The following SBNO1 variants were observed in gnomAD, a reference collection of about 807,000 sequenced individuals.
SBNO1 encodes the protein strawberry notch homolog 1.
Under a neutral mutation model 173.6 loss-of-function variants are expected in SBNO1, and 23 were observed. The ratio of observed to expected loss-of-function variants is 0.13; its 90% CI spans 0.10 to 0.19. SBNO1 has a LOEUF of 0.19. SBNO1 is among the 10% of genes least tolerant of loss of function. The pLI is 1.00. For missense variants in SBNO1, 1,238 were observed against 1,671.2 expected (o/e 0.74, Z 4.52); for synonymous variants, 632 against 571.5 (o/e 1.11, Z -1.51).
intron 30 of SBNO1, among the ~76,000 whole-genome samples, chr12:123,299,822 A>C (rs2048727478): frequency 6.6e-6 from 1 of 152,080 alleles, no homozygotes; most frequent in African/African-American, 2.4e-5. Context: ...CATTGCACTC[A>C]AGCCCTCTGT....
chr12:123,343,429 C>T (rs1593397369), intron 4 of SBNO1, among the ~76,000 whole-genome samples: 2 of 152,150 alleles, frequency 1.3e-5, no homozygotes, highest in African/African-American at 4.8e-5. Flanking sequence ...GAACATGCAA[C>T]ACCTTGCTTT....
intron 1 of SBNO1, 53 bp downstream of exon 1, chr12:123,364,648 G>A (rs1038694689): frequency 5.1e-6 from 5 of 982,972 alleles, no homozygotes; most frequent in Non-Finnish European, 6.0e-6. Flanking sequence ...GGAGTGGGAG[G>A]CTGTCCGGGA....
At chr12:123,357,400 G>C (rs996488966) in intron 1 of SBNO1, among the ~76,000 whole-genome samples, 1 of 151,584 alleles carries the variant, frequency 6.6e-6, no homozygotes, top group Non-Finnish European at 1.5e-5. Flanking sequence ...AGTGAGCCGA[G>C]ACTGCACCAC....
rs549795225 is a variant in SBNO1, at chr12:123,297,710, C to T, written c.4039+268G>A. Among the ~76,000 whole-genome samples, 3 of 152,240 alleles carry T rather than the reference C, an allele frequency of 2.0e-5. No individual in the cohort carries two copies. The South Asian group carries it at 6.2e-4, about 32-fold the overall frequency. ...AACTGTCTACACACCAGGGAGCCTG[C>T]ACAGCCACCAAGAGTAGAGAAGGAG... On this transcript the variant is annotated intron_variant, in intron 31 of 31. Transcript: ENST00000602398.
chr12:123,315,766 C>T, intron 21 of SBNO1, 106 bp from the exon 22 acceptor site: 4 of 655,390 alleles, frequency 6.1e-6, no homozygotes, highest in Non-Finnish European at 8.1e-6. Flanking sequence ...TGGGAAACCA[C>T]TAAACAATAA....
intron 1 of SBNO1, among the ~76,000 whole-genome samples, chr12:123,360,894 C>T (rs1460944826): frequency 1.3e-5 from 2 of 152,026 alleles, no homozygotes; most frequent in East Asian, 1.9e-4. Context: ...AGGCAGATCA[C>T]GAGGTCAGGA....
rs184825873 is a variant in SBNO1 at position 123,298,015 on chromosome 12, G to A, written c.4002C>T (p.Ile1334=). 5 of 1,613,892 alleles carry A rather than the reference G, an allele frequency of 3.1e-6. No homozygotes were observed. Among genetic ancestry groups the A allele is most frequent in the Non-Finnish European group, 3.4e-6 (4 of 1,180,006 alleles). The change falls in exon 31 of 32, where the codon ATC becomes ATT. Residue 1334 remains isoleucine, a synonymous_variant. Transcript: ENST00000602398. ...GCCCATCTTCCGTTCTTAGCCGCAC[G>A]ATCTGCATCTTCACGTTTGTGCCAC... is the stretch of plus-strand genomic sequence containing the variant. ...SVSGTNVKMQ[I]VRLRTEDGQR...
In SBNO1 at chr12:123,309,692, GA is replaced by G; in HGVS notation, c.3442+17del. The stretch of plus-strand genomic sequence containing the variant: ...TTTTCCCTGGGGACATTGTGGGGGG[GA>G]AATTTTCCCTACTTACCTAAGATTC... On this transcript the variant is annotated intron_variant, in intron 26 of 31. Transcript: ENST00000602398. The G allele has an allele frequency of 6.2e-7, 1 of 1,609,982 alleles. No individual in the cohort carries two copies. Among genetic ancestry groups the G allele is most frequent in the African/African-American group, 1.3e-5 (1 of 74,788 alleles).
intron 15 of SBNO1, among the ~76,000 whole-genome samples, chr12:123,324,670 C>G (rs1344990663): frequency 6.6e-6 from 1 of 152,050 alleles, no homozygotes; most frequent in Non-Finnish European, 1.5e-5. Flanking sequence ...AGTAGAGCAG[C>G]AAGTTTATTT....
chr12:123,323,715 C>T lies in SBNO1; in HGVS notation c.2090G>A (p.Ser697Asn), dbSNP rs1176101995. 6.2e-7 allele frequency: 1 copy of T among 1,610,952 alleles called. No individual in the cohort carries two copies. Among genetic ancestry groups the T allele is most frequent in the Non-Finnish European group, 8.5e-7 (1 of 1,179,176 alleles). ...CTTTATTTTATTTTCTTTACAAGGA[C>T]TATCTCTTGGCGAACTGTTGTTACT... ...APSNNSSPRD[S>N]PCKENKIKKR... The change falls in exon 16 of 32, where the codon AGT (serine) becomes AAT (asparagine). Residue 697 changes from serine to asparagine, a missense_variant. Ser to Asn is a conservative substitution (Grantham distance 46, BLOSUM62 1). This residue lies in a region of SBNO1 where 81 missense variants were observed against 82.6 expected (regional missense o/e 0.98). Transcript: ENST00000602398.
At chr12:123,301,218 G>C (rs1033820014) in intron 30 of SBNO1, among the ~76,000 whole-genome samples, 5 of 152,020 alleles carry the variant, frequency 3.3e-5, no homozygotes, top group Admixed American at 2.6e-4. Context: ...ATGTTGGCCA[G>C]GCTGGTCTTG....
chr12:123,346,287 T>C (rs1042070420), intron 3 of SBNO1, among the ~76,000 whole-genome samples: 3 of 152,152 alleles, frequency 2.0e-5, no homozygotes, highest in Admixed American at 6.6e-5. Flanking sequence ...TCTAATGCCT[T>C]GATTGATGAC....
intron 5 of SBNO1, among the ~76,000 whole-genome samples, 170 bp from the exon 6 acceptor site, chr12:123,336,661 T>G (rs539082832): frequency 6.6e-6 from 1 of 152,274 alleles, no homozygotes; most frequent in African/African-American, 2.4e-5. Context: ...TTCCTGCTTC[T>G]CCAATAATGA....
At chr12:123,297,836 T>C in intron 31 of SBNO1, 142 bp downstream of exon 31, 1 of 713,984 alleles carries the variant, frequency 1.4e-6, no homozygotes, top group Middle Eastern at 3.9e-4. Flanking sequence ...TTCAACCTTG[T>C]AAGAAATATA....
intron 3 of SBNO1, among the ~76,000 whole-genome samples, chr12:123,345,947 G>A (rs764855423): frequency 1.3e-5 from 2 of 152,194 alleles, no homozygotes; most frequent in Non-Finnish European, 2.9e-5. Flanking sequence ...ACAGGCGTGA[G>A]CCACTGTGCC....
At chr12:123,338,920 C>CGA (rs1872204460) in intron 5 of SBNO1, among the ~76,000 whole-genome samples, 2 of 19,276 alleles carry the variant, frequency 1.0e-4, no homozygotes, top group Non-Finnish European at 5.1e-4. Flanking sequence ...ACGCCCCCCC[C>CGA]CCCCTCCCCG....
At chr12:123,314,495 A>G (rs1332599577) in intron 23 of SBNO1, among the ~76,000 whole-genome samples, 1 of 151,842 alleles carries the variant, frequency 6.6e-6, no homozygotes, top group East Asian at 1.9e-4. Flanking sequence ...ACGCCCAGCT[A>G]ATTTTTCTAT....
rs559392014 is a variant in SBNO1, at chr12:123,297,510, C to T, written c.4039+468G>A. On this transcript the variant is annotated intron_variant, in intron 31 of 31. Transcript: ENST00000602398. ...TGTAAGCGAAACCAAGATAAGCAAA[C>T]AGAGTCCAGTTGCTGCCCTGCTTCC... is the stretch of plus-strand genomic sequence containing the variant. 8.4e-4 allele frequency among the ~76,000 whole-genome samples: 125 copies of T among 147,968 alleles called. 1 individual carries two copies. Among genetic ancestry groups the T allele is most frequent in the African/African-American group, 3.0e-3 (122 of 40,702 alleles).
intron 19 of SBNO1, 102 bp from the exon 20 acceptor site, chr12:123,320,133 T>C: frequency 1.5e-6 from 2 of 1,308,830 alleles, no homozygotes; most frequent in Non-Finnish European, 2.1e-6. Context: ...GAGCACAGGC[T>C]GTGCTGCACC....
Sources: gnomAD v4.1 joint callset for allele counts (sites outside exome capture counted in the v4.1 genomes callset) on GRCh38, gnomAD v4.1.1 for gene constraint, gnomAD v4.1.1 regional missense constraint, MANE v1.5 for transcripts, NCBI Gene and HGNC (gene_info 2026-07-23, HGNC 2026-07-21) for gene names.